PCMT1: variants seen among roughly 807,000 people sequenced by gnomAD.
The protein encoded by PCMT1 is protein-L-isoaspartate (D-aspartate) O-methyltransferase, also known as protein-L-isoaspartate(D-aspartate) O-methyltransferase.
PCMT1 carries 9 observed loss-of-function variants against 29.2 expected under a neutral mutation model. That is an observed-to-expected ratio of 0.31 (90% CI 0.19 to 0.54). The LOEUF (loss-of-function observed/expected upper bound fraction) is 0.54. Ranked by LOEUF, PCMT1 falls within the 20% of genes least tolerant of loss-of-function variation. The probability of loss-of-function intolerance (pLI) is 0.95; values close to 1 mark genes in which losing one functional copy is unlikely to be tolerated. For missense variants in PCMT1, 184 were observed against 282.2 expected (o/e 0.65, Z 2.49); for synonymous variants, 98 against 97.5 (o/e 1.00, Z -0.03).
rs571506303 is a variant in PCMT1, at chr6:149,762,860, GATAT to G, written c.56-8295_56-8292del. ...ATATATATCTATGATATATATCTAT[GATAT>G]ATATATCTATGATATATATGTTATA... On this transcript the variant is annotated intron_variant, in intron 1 of 7. Transcript: ENST00000464889. Among the ~76,000 whole-genome samples the G allele has an allele frequency of 1.1e-4, 5 of 46,304 alleles. 2 individuals are homozygous for G. Among genetic ancestry groups the G allele is most frequent in the Non-Finnish European group, 1.5e-4 (5 of 34,214 alleles). 30.4% of individuals were successfully genotyped at this position (46,304 alleles called of 152,430 possible). A position where few individuals can be genotyped will look rare whatever the true frequency, so the allele number is the denominator to read the frequency against.
chr6:149,772,660 G>T (rs916681224), intron 2 of PCMT1: 1 of 435,092 alleles, frequency 2.3e-6, no homozygotes, highest in African/African-American at 2.1e-5. Flanking sequence ...AATTTTAACT[G>T]CTGGGTGACA....
chr6:149,791,052 C>T (rs1250241343), intron 4 of PCMT1, among the ~76,000 whole-genome samples: 1 of 152,048 alleles, frequency 6.6e-6, no homozygotes, highest in Admixed American at 6.6e-5. Context: ...GAGAGGGGGT[C>T]AGGCTTAGCC....
intron 5 of PCMT1, 67 bp from the exon 6 acceptor site, chr6:149,796,348 G>A (rs1012428852): frequency 9.9e-7 from 1 of 1,015,198 alleles, no homozygotes; most frequent in Non-Finnish European, 1.5e-6. Flanking sequence ...TAAACCTCCT[G>A]TACTAGAATT....
chr6:149,779,639 G>A (rs573728149), intron 3 of PCMT1, among the ~76,000 whole-genome samples: 5 of 151,702 alleles, frequency 3.3e-5, no homozygotes, highest in South Asian at 2.1e-4. Flanking sequence ...GCAATATCCC[G>A]TCTCTACTAA....
At chr6:149,788,902 T>C (rs902323343) in intron 3 of PCMT1, among the ~76,000 whole-genome samples, 1 of 152,182 alleles carries the variant, frequency 6.6e-6, no homozygotes, top group Non-Finnish European at 1.5e-5. Context: ...TAATTTTTTC[T>C]ATGTGCATTC....
intron 4 of PCMT1, among the ~76,000 whole-genome samples, chr6:149,792,870 C>T (rs1350596606): frequency 1.3e-5 from 2 of 152,048 alleles, no homozygotes; most frequent in African/African-American, 4.8e-5. Flanking sequence ...TCCTTCCCAT[C>T]AGGCGGGAGG....
At chr6:149,777,002 G>A (rs540417805) in intron 3 of PCMT1, among the ~76,000 whole-genome samples, 2 of 150,412 alleles carry the variant, frequency 1.3e-5, no homozygotes, top group African/African-American at 2.5e-5. Context: ...ATTTATTGAC[G>A]TCTTATTTAT....
intron 1 of PCMT1, among the ~76,000 whole-genome samples, chr6:149,764,342 A>G (rs961793200): frequency 6.6e-6 from 1 of 152,206 alleles, no homozygotes; most frequent in Non-Finnish European, 1.5e-5. Context: ...TGCCTACTTT[A>G]TAGGCTTATT....
At chr6:149,776,451 C>T (rs1174917233) in intron 3 of PCMT1, among the ~76,000 whole-genome samples, 1 of 151,902 alleles carries the variant, frequency 6.6e-6, no homozygotes, top group Non-Finnish European at 1.5e-5. Flanking sequence ...GGGGTTTCGC[C>T]ATGTTGGCCA....
chr6:149,805,455 G>A (rs577548791), intron 7 of PCMT1, among the ~76,000 whole-genome samples: 22 of 151,860 alleles, frequency 1.4e-4, no homozygotes, highest in Admixed American at 5.9e-4. Flanking sequence ...TTAGCCGGGC[G>A]TGGTGGCAGG....
chr6:149,773,016 G>GA (rs373290909), intron 2 of PCMT1, 122 bp from the exon 3 acceptor site: 62,385 of 419,208 alleles, frequency 0.15, 48 homozygotes, highest in South Asian at 0.18. Context: ...GACTGTCTCA[G>GA]AAAAAAAAAA....
intron 3 of PCMT1, among the ~76,000 whole-genome samples, chr6:149,787,288 G>GGAGAGGGAGACCA (rs1788152155): frequency 6.8e-6 from 1 of 147,612 alleles, no homozygotes; most frequent in Non-Finnish European, 1.5e-5. Context: ...GAGACCGTGG[G>GGAGAGGGAGACCA]TAGAGGGAGA....
intron 2 of PCMT1, 65 bp from the exon 3 acceptor site, chr6:149,773,073 G>T: frequency 4.6e-5 from 50 of 1,075,998 alleles, no homozygotes; most frequent in Non-Finnish European, 6.1e-5. Flanking sequence ...TGGTAGAAAA[G>T]AAATTATGTG....
rs775257761 is a variant in PCMT1 at position 149,793,677 on chromosome 6, T to C, written c.418+8T>C. ...GGAGAGTACAGCTTGTTGGTAAGTA[T>C]CAGAAAACTTTAAAAATTTCTTCAG... On this transcript the variant is annotated splice_region_variant and intron_variant, in intron 5 of 7. Transcript: ENST00000464889. The C allele has an allele frequency of 1.3e-6, 2 of 1,528,196 alleles. No individual in the cohort carries two copies. The highest frequency in any genetic ancestry group is 2.7e-5 in the South Asian group (2 of 74,442). 94.7% of individuals were successfully genotyped at this position (1,528,196 alleles called of 1,614,324 possible). A position where few individuals can be genotyped will look rare whatever the true frequency, so the allele number is the denominator to read the frequency against.
chr6:149,810,500 A>G, intron 7 of PCMT1, 116 bp from the exon 8 acceptor site: 1 of 702,428 alleles, frequency 1.4e-6, no homozygotes, highest in Non-Finnish European at 2.4e-6. Context: ...TTTTAAATAT[A>G]TTGCTTGGTG....
rs747891215 is a variant in PCMT1 at position 149,749,828 on chromosome 6, C to A, written c.-74C>A. The A allele has an allele frequency of 6.4e-7, 1 of 1,563,148 alleles. No homozygotes were observed. Among genetic ancestry groups the A allele is most frequent in the South Asian group, 1.2e-5 (1 of 85,328 alleles). On this transcript the variant is annotated 5_prime_UTR_variant, in exon 1 of 8. Coordinates refer to ENST00000464889, the MANE Select transcript of PCMT1 (RefSeq NM_001360452.2). ...GCGGTGACGGTGTGGGAGGTGGTCT[C>A]ACTCTTGGGAAAACTGCTGGGCACC...
intron 5 of PCMT1, 64 bp from the exon 6 acceptor site, chr6:149,796,351 C>A: frequency 9.3e-7 from 1 of 1,069,594 alleles, no homozygotes; most frequent in Non-Finnish European, 1.4e-6. Flanking sequence ...ACCTCCTGTA[C>A]TAGAATTCTT....
intron 3 of PCMT1, among the ~76,000 whole-genome samples, chr6:149,783,772 C>G (rs1398147671): frequency 2.6e-5 from 4 of 152,082 alleles, no homozygotes; most frequent in Non-Finnish European, 5.9e-5. Flanking sequence ...TCACTATAAC[C>G]TCAAGCTCTT....
intron 1 of PCMT1, among the ~76,000 whole-genome samples, chr6:149,766,348 G>A (rs1034273037): frequency 1.3e-5 from 2 of 152,008 alleles, no homozygotes; most frequent in Non-Finnish European, 1.5e-5. Context: ...CTATGGCCTC[G>A]ATATTTGAAG....
Sources: allele counts gnomAD v4.1 joint callset (sites outside exome capture counted in the v4.1 genomes callset), GRCh38; gene constraint gnomAD v4.1.1; transcripts MANE v1.5; gene names NCBI Gene and HGNC (gene_info 2026-07-23, HGNC 2026-07-21).